Variants in GNAO1 observed in about 807,000 individuals in gnomAD.
GNAO1 encodes the protein G protein subunit alpha o1, also known as guanine nucleotide-binding protein G(o) subunit alpha.
For missense variants in GNAO1, 166 were observed against 478.7 expected (o/e 0.35, Z 6.10); for synonymous variants, 164 against 180.7 (o/e 0.91, Z 0.74).
chr16:56,216,169 A>T (rs987015578), intron 2 of GNAO1, among the ~76,000 whole-genome samples: 2 of 152,238 alleles, frequency 1.3e-5, no homozygotes, highest in South Asian at 4.1e-4. Context: ...GGCAGTGGTT[A>T]CACAGGTGAC....
At chr16:56,246,708 G>A (rs1169307516) in intron 2 of GNAO1, among the ~76,000 whole-genome samples, 1 of 152,102 alleles carries the variant, frequency 6.6e-6, no homozygotes, top group Non-Finnish European at 1.5e-5. Context: ...TCCCCGTCAT[G>A]TGCCCTCCCA....
At chr16:56,298,914 CAAAA>C (rs761298658) in intron 3 of GNAO1, among the ~76,000 whole-genome samples, 1 of 70,298 alleles carries the variant, frequency 1.4e-5, no homozygotes, top group Admixed American at 1.7e-4. Flanking sequence ...GACTCTGTCT[CAAAA>C]AAAAAAAAAA....
At chr16:56,269,804 G>A (rs566348074) in intron 2 of GNAO1, among the ~76,000 whole-genome samples, 1 of 152,296 alleles carries the variant, frequency 6.6e-6, no homozygotes, top group African/African-American at 2.4e-5. Flanking sequence ...AGTTGGGGGG[G>A]AAACTGTATG....
intron 3 of GNAO1, among the ~76,000 whole-genome samples, chr16:56,306,259 C>T (rs763804866): frequency 6.6e-6 from 1 of 152,214 alleles, no homozygotes; most frequent in Admixed American, 6.5e-5. Flanking sequence ...GGTGTTAATG[C>T]AGGGTCCCAG....
intron 1 of GNAO1, 71 bp from the exon 2 acceptor site, chr16:56,192,503 T>G: frequency 2.6e-6 from 2 of 766,670 alleles, no homozygotes; most frequent in Non-Finnish European, 4.5e-6. Context: ...TCGCATGCCT[T>G]AGTCCCCCCC....
chr16:56,229,609 G>GTGGA (rs149366140), intron 2 of GNAO1, among the ~76,000 whole-genome samples: 9,666 of 151,128 alleles, frequency 0.064, 654 homozygotes, highest in African/African-American at 0.17. Context: ...GGATGGGTGG[G>GTGGA]TGGATGGATG....
At chr16:56,355,589 C>T (rs559097604) in intron 8 of GNAO1, 1 of 152,440 alleles carries the variant, frequency 6.6e-6, no homozygotes, top group Non-Finnish European at 1.5e-5. Context: ...TAAGCCTCTC[C>T]TCACTCTGCA....
At chr16:56,203,575 G>T (rs1439545778) in intron 2 of GNAO1, among the ~76,000 whole-genome samples, 1 of 152,114 alleles carries the variant, frequency 6.6e-6, no homozygotes, top group African/African-American at 2.4e-5. Context: ...AGAATGGAGA[G>T]AAGAAACACA....
intron 3 of GNAO1, among the ~76,000 whole-genome samples, chr16:56,290,989 A>G (rs2037226628): frequency 6.6e-6 from 1 of 152,230 alleles, no homozygotes; most frequent in Non-Finnish European, 1.5e-5. Flanking sequence ...TTGTATGGAT[A>G]TACCAAATTT....
At chr16:56,306,121 G>T (rs1365320894) in intron 3 of GNAO1, among the ~76,000 whole-genome samples, 1 of 152,214 alleles carries the variant, frequency 6.6e-6, no homozygotes, top group East Asian at 1.9e-4. Flanking sequence ...CAGTTCCACT[G>T]CTTGCTCCCT....
chr16:56,277,776 T>TACACACAC lies in GNAO1; in HGVS notation c.303+1763_303+1770dup, dbSNP rs60891936. ...GACACAGTACAAAAGGCACACCCCC[T>TACACACAC]ACACACACACACACACACACACACA... On this transcript the variant is annotated intron_variant, in intron 3 of 8. Coordinates refer to ENST00000262493, the MANE Select transcript of GNAO1 (RefSeq NM_020988.3). 3.3e-3 allele frequency among the ~76,000 whole-genome samples: 360 copies of TACACACAC among 108,190 alleles called. 7 individuals carry two copies. Among genetic ancestry groups the TACACACAC allele is most frequent in the South Asian group, 5.1e-3 (14 of 2,760 alleles). The allele number at this position is 108,190 out of a possible 152,430, so 71.0% of individuals were successfully genotyped here.
chr16:56,332,373 C>T (rs547252440), intron 4 of GNAO1, among the ~76,000 whole-genome samples: 8 of 152,318 alleles, frequency 5.3e-5, no homozygotes, highest in African/African-American at 1.7e-4. Context: ...ACTCGAGGCC[C>T]ACTTGCTCCC....
At position 56,354,376 on chromosome 16, in the gene GNAO1, T is replaced by TATCA. The variant is rs1476146317; in HGVS notation, c.878-488_878-485dup. On this transcript the variant is annotated intron_variant, in intron 7 of 8. Coordinates refer to ENST00000262493, the MANE Select transcript of GNAO1 (RefSeq NM_020988.3). The surrounding 1 kb of genome is among the most constrained non-coding windows in gnomAD (Gnocchi z 4.3). ...GTAATTGCAGTAATTGCAGTTTTGC[T>TATCA]ATCAAAAGTAATGGCAAGGCCAGGC... Among the ~76,000 whole-genome samples, 1 of 152,210 alleles carries TATCA rather than the reference T, an allele frequency of 6.6e-6. No homozygotes were observed. Among genetic ancestry groups the TATCA allele is most frequent in the Non-Finnish European group, 1.5e-5 (1 of 68,032 alleles).
At position 56,355,078 on chromosome 16, in the gene GNAO1, T is replaced by C. The variant is rs936843189; in HGVS notation, c.*25T>C. On this transcript the variant is annotated 3_prime_UTR_variant, in exon 8 of 9. Coordinates refer to ENST00000262493, the MANE Select transcript of GNAO1 (RefSeq NM_020988.3). ...ACCTCTTGTCCTGTATAGCAACCTA[T>C]TTGGTAATGATTCCAGCACCCACAG... 2.6e-6 allele frequency: 4 copies of C among 1,533,720 alleles called. No individual in the cohort carries two copies. In the African/African-American group the frequency reaches 5.5e-5, roughly 21 times the overall value.
intron 6 of GNAO1, among the ~76,000 whole-genome samples, chr16:56,338,213 C>T (rs898146432): frequency 3.3e-5 from 5 of 152,146 alleles, no homozygotes; most frequent in Non-Finnish European, 5.9e-5. Flanking sequence ...AGTCTGGACC[C>T]GTTCCGTGTA....
At chr16:56,349,515 G>A (rs1194484134) in intron 6 of GNAO1, among the ~76,000 whole-genome samples, 2 of 152,228 alleles carry the variant, frequency 1.3e-5, no homozygotes, top group African/African-American at 4.8e-5. Flanking sequence ...ATCCCAGTGA[G>A]GTGGCTCAGG....
intron 6 of GNAO1, among the ~76,000 whole-genome samples, chr16:56,338,221 G>T (rs1002713979): frequency 6.6e-6 from 1 of 152,160 alleles, no homozygotes; most frequent in Non-Finnish European, 1.5e-5. Flanking sequence ...CCCGTTCCGT[G>T]TACAGGCTTA....
chr16:56,259,763 G>C lies in GNAO1; in HGVS notation c.162-16168G>C, dbSNP rs549794356. ...GAAAGGCCTTTAAAGAGGGGTAAGA[G>C]TTTATGACTCAGGGCCAGTGTGACA... On this transcript the variant is annotated intron_variant, in intron 2 of 8. Coordinates refer to ENST00000262493, the MANE Select transcript of GNAO1 (RefSeq NM_020988.3). 8.5e-5 allele frequency among the ~76,000 whole-genome samples: 13 copies of C among 152,320 alleles called. No homozygotes were observed. In the South Asian group the frequency reaches 2.7e-3, roughly 32 times the overall value.
intron 2 of GNAO1, among the ~76,000 whole-genome samples, chr16:56,211,676 C>G (rs1197676960): frequency 2.0e-5 from 3 of 152,162 alleles, no homozygotes; most frequent in Non-Finnish European, 2.9e-5. Context: ...TTGTTTCAGT[C>G]GCGACTTGAA....
Sources: allele counts gnomAD v4.1 joint callset (sites outside exome capture counted in the v4.1 genomes callset), GRCh38; gene constraint gnomAD v4.1.1; non-coding constraint Gnocchi (gnomAD v3.1); transcripts MANE v1.5; gene names NCBI Gene and HGNC (gene_info 2026-07-23, HGNC 2026-07-21).